Variants in C4BPA observed in about 807,000 individuals in gnomAD.
The protein encoded by C4BPA is complement component 4 binding protein alpha.
In C4BPA, 31 loss-of-function variants were observed where a neutral mutation model predicts 63.7. That is an observed-to-expected ratio of 0.49 (90% CI 0.37 to 0.66). The LOEUF (loss-of-function observed/expected upper bound fraction) is 0.66, where lower values mean the gene tolerates loss of function less well. C4BPA is among the 30% of genes least tolerant of loss of function. C4BPA has a pLI of 0.00. For synonymous variants in C4BPA, 259 were observed against 254.7 expected, an observed-to-expected ratio of 1.02 and a Z score of -0.16; for missense variants, 572 against 723.3, an observed-to-expected ratio of 0.79 and a Z score of 2.40.
rs776261082 is a variant in C4BPA at position 207,123,951 on chromosome 1, G to A, written c.458G>A (p.Arg153His). 25 of 1,611,112 alleles carry A rather than the reference G, an allele frequency of 1.6e-5. No individual in the cohort carries two copies. The highest frequency in any genetic ancestry group is 9.9e-5 in the South Asian group (9 of 90,732). ...GFFLIGSTTS[R>H]CEVQDRGVGW... is the part of the protein sequence containing the mutation. The stretch of plus-strand genomic sequence containing the variant: ...TTCTTAATTGGCTCAACCACTAGTC[G>A]TTGTGAAGTCCAAGATAGAGGAGTT... Residue 153 changes from arginine to histidine, a missense_variant, in exon 5 of 12, where the codon CGT becomes CAT. Transcript: ENST00000367070.
intron 9 of C4BPA, among the ~76,000 whole-genome samples, chr1:207,135,295 G>C (rs533588698): frequency 6.6e-6 from 1 of 151,900 alleles, no homozygotes; most frequent in Non-Finnish European, 1.5e-5. Context: ...CCGAGATCAC[G>C]CCACTGCATT....
At chr1:207,121,464 G>C (rs1684921236) in intron 4 of C4BPA, among the ~76,000 whole-genome samples, 1 of 146,182 alleles carries the variant, frequency 6.8e-6, no homozygotes, top group African/African-American at 2.5e-5. Flanking sequence ...GAATTTGCTT[G>C]GTATAATTTT....
At chr1:207,121,806 C>T (rs1684926761) in intron 4 of C4BPA, among the ~76,000 whole-genome samples, 1 of 152,044 alleles carries the variant, frequency 6.6e-6, no homozygotes, top group Non-Finnish European at 1.5e-5. Context: ...TTGTTATAAA[C>T]AACAATAAAC....
intron 9 of C4BPA, among the ~76,000 whole-genome samples, chr1:207,137,728 G>C (rs968438305): frequency 4.6e-5 from 7 of 152,068 alleles, no homozygotes; most frequent in Middle Eastern, 6.8e-3. Context: ...AGAGATTCTT[G>C]TGCCTCAGCC....
intron 7 of C4BPA, among the ~76,000 whole-genome samples, chr1:207,130,965 A>T (rs554302644): frequency 6.6e-6 from 1 of 152,358 alleles, no homozygotes; most frequent in South Asian, 2.1e-4. Context: ...CTTTAATCTG[A>T]ATAATGCTGT....
intron 1 of C4BPA, among the ~76,000 whole-genome samples, chr1:207,112,343 C>A (rs1246303107): frequency 6.9e-6 from 1 of 145,562 alleles, no homozygotes; most frequent in Non-Finnish European, 1.5e-5. Context: ...CATTTTCCTG[C>A]CTTTTTGTTT....
chr1:207,131,523 T>G (rs963579121), intron 7 of C4BPA, 23 bp from the exon 8 acceptor site: 1 of 1,559,246 alleles, frequency 6.4e-7, no homozygotes, highest in Non-Finnish European at 8.8e-7. Context: ...CTTTTGTTCT[T>G]CTTCTTCTTC....
intron 10 of C4BPA, among the ~76,000 whole-genome samples, chr1:207,142,554 A>G (rs1393867642): frequency 6.6e-6 from 1 of 151,942 alleles, no homozygotes; most frequent in Non-Finnish European, 1.5e-5. Flanking sequence ...AAGCATTCCT[A>G]TTTTTCCACA....
chr1:207,121,191 T>C (rs1359754523), intron 4 of C4BPA, among the ~76,000 whole-genome samples: 1 of 152,208 alleles, frequency 6.6e-6, no homozygotes, highest in Admixed American at 6.5e-5. Context: ...GGAGTTAAAG[T>C]AAATTAATAA....
chr1:207,114,314 T>C (rs753257530), intron 3 of C4BPA, 29 bp downstream of exon 3: 38 of 1,538,492 alleles, frequency 2.5e-5, no homozygotes, highest in Non-Finnish European at 2.9e-5. Context: ...TTTTTTCCTT[T>C]GCTTTTCCTA....
rs1684973169 is a variant in C4BPA at position 207,123,917 on chromosome 1, T to C, written c.429-5T>C. The C allele has an allele frequency of 1.3e-6, 2 of 1,581,090 alleles. No individual in the cohort carries two copies. Among genetic ancestry groups the C allele is most frequent in the Non-Finnish European group, 1.7e-6 (2 of 1,152,586 alleles). ...CCATTAAAATCTTTGATCTATCTTA[T>C]TCAGATTTTTCTTAATTGGCTCAAC... On this transcript the variant is annotated splice_region_variant and splice_polypyrimidine_tract_variant and intron_variant, in intron 4 of 11. Transcript: ENST00000367070.
intron 8 of C4BPA, among the ~76,000 whole-genome samples, chr1:207,133,491 T>C (rs1187132449): frequency 6.6e-6 from 1 of 152,222 alleles, no homozygotes; most frequent in Non-Finnish European, 1.5e-5. Context: ...TGGCCAGATG[T>C]GGTGGCTCAC....
intron 7 of C4BPA, among the ~76,000 whole-genome samples, chr1:207,129,426 A>AC (rs34135923): frequency 1.3e-5 from 2 of 150,126 alleles, no homozygotes; most frequent in South Asian, 2.1e-4. Context: ...AAAAAAAAAA[A>AC]CCCAAACAAA....
intron 8 of C4BPA, among the ~76,000 whole-genome samples, chr1:207,132,807 G>A (rs1376915579): frequency 6.6e-6 from 1 of 152,098 alleles, no homozygotes; most frequent in Non-Finnish European, 1.5e-5. Flanking sequence ...AGGATTGCTT[G>A]AGCCCACGAG....
chr1:207,112,871 G>C, intron 1 of C4BPA, 130 bp from the exon 2 acceptor site: 2 of 760,668 alleles, frequency 2.6e-6, no homozygotes, highest in Non-Finnish European at 4.0e-6. Context: ...TTGTGCTCAG[G>C]GGTTTTTTTG....
chr1:207,118,829 T>C (rs1479248111), intron 4 of C4BPA, among the ~76,000 whole-genome samples: 6 of 152,210 alleles, frequency 3.9e-5, no homozygotes, highest in Non-Finnish European at 8.8e-5. Flanking sequence ...CTTATCTACT[T>C]ATGTTAATTA....
At chr1:207,125,127 A>G (rs1389750230) in intron 6 of C4BPA, among the ~76,000 whole-genome samples, 1 of 152,244 alleles carries the variant, frequency 6.6e-6, no homozygotes, top group African/African-American at 2.4e-5. Context: ...CCACCACAGG[A>G]CACAATCAGA....
At chr1:207,137,578 G>T (rs1302854513) in intron 9 of C4BPA, among the ~76,000 whole-genome samples, 1 of 149,922 alleles carries the variant, frequency 6.7e-6, no homozygotes, top group Non-Finnish European at 1.5e-5. Context: ...ATGATAAGGG[G>T]TTGTGGAGAT....
intron 6 of C4BPA, 59 bp downstream of exon 6, chr1:207,124,425 A>G: frequency 7.6e-7 from 1 of 1,321,836 alleles, no homozygotes. Context: ...TTAAAAGAGA[A>G]AGAAAGGTAA....
Sources: allele counts gnomAD v4.1 joint callset (sites outside exome capture counted in the v4.1 genomes callset), GRCh38; gene constraint gnomAD v4.1.1; transcripts MANE v1.5; gene names NCBI Gene and HGNC (gene_info 2026-07-23, HGNC 2026-07-21).